The following PITPNC1 variants were observed in gnomAD, a reference collection of about 807,000 sequenced individuals.
PITPNC1 encodes phosphatidylinositol transfer protein cytoplasmic 1, also known as cytoplasmic phosphatidylinositol transfer protein 1.
Under a neutral mutation model 44.7 loss-of-function variants are expected in PITPNC1, and 18 were observed. The ratio of observed to expected loss-of-function variants is 0.40; its 90% CI spans 0.28 to 0.60. PITPNC1 has a LOEUF of 0.60. Ranked by LOEUF, PITPNC1 falls within the 20% of genes least tolerant of loss-of-function variation. The pLI is 0.39. For synonymous variants in PITPNC1, 141 were observed against 149.6 expected (o/e 0.94, Z 0.42); for missense variants, 290 against 418.4 (o/e 0.69, Z 2.68).
At chr17:67,644,157 G>T (rs117993143) in intron 6 of PITPNC1, among the ~76,000 whole-genome samples, 2 of 152,136 alleles carry the variant, frequency 1.3e-5, no homozygotes, top group Non-Finnish European at 2.9e-5. Flanking sequence ...ACTTCACCTC[G>T]AAGAAACCTT....
chr17:67,667,000 C>T (rs1323949160), intron 6 of PITPNC1, among the ~76,000 whole-genome samples: 3 of 152,234 alleles, frequency 2.0e-5, no homozygotes, highest in Non-Finnish European at 4.4e-5. Flanking sequence ...GGGGCTGTCC[C>T]AGCCAATTTG....
intron 1 of PITPNC1, chr17:67,525,421 A>C (rs1437876868): frequency 2.6e-5 from 4 of 152,242 alleles, no homozygotes; most frequent in Non-Finnish European, 4.4e-5. Context: ...GTTCCAATAA[A>C]ACTTTATTTA....
intron 6 of PITPNC1, among the ~76,000 whole-genome samples, chr17:67,645,161 A>G (rs1454638449): frequency 6.6e-6 from 1 of 151,960 alleles, no homozygotes; most frequent in Non-Finnish European, 1.5e-5. Flanking sequence ...ACCAACACGG[A>G]GAAACCGCAT....
chr17:67,524,172 GTAGCTTACACC>G (rs2040366028), intron 1 of PITPNC1, among the ~76,000 whole-genome samples: 1 of 152,152 alleles, frequency 6.6e-6, no homozygotes, highest in South Asian at 2.1e-4. Context: ...CTGGCTCATG[GTAGCTTACACC>G]TATAATCCCA....
intron 6 of PITPNC1, among the ~76,000 whole-genome samples, chr17:67,669,189 C>T (rs1290229903): frequency 6.6e-6 from 1 of 152,200 alleles, no homozygotes; most frequent in Non-Finnish European, 1.5e-5. Flanking sequence ...TCACCACAAC[C>T]TCTGCCTCTC....
At chr17:67,439,515 T>G (rs1051410840) in intron 1 of PITPNC1, among the ~76,000 whole-genome samples, 3 of 152,232 alleles carry the variant, frequency 2.0e-5, no homozygotes, top group African/African-American at 7.2e-5. Context: ...TTTGAAGATC[T>G]GACAATTATG....
chr17:67,541,847 G>T lies in PITPNC1; in HGVS notation c.197+8897G>T, dbSNP rs188792998. Among the ~76,000 whole-genome samples the T allele has an allele frequency of 4.2e-3, 638 of 152,288 alleles. 1 individual carries two copies. Among genetic ancestry groups the T allele is most frequent in the Non-Finnish European group, 6.7e-3 (453 of 68,030 alleles). On this transcript the variant is annotated intron_variant, in intron 2 of 8. Transcript: ENST00000581322. Reference sequence around the variant, plus strand: ...AGGACCAATGGGACCAAGACCAGTGGGTAGGAATGCCAGGAGAAAGACTTC... The same window carrying T: ...AGGACCAATGGGACCAAGACCAGTGTGTAGGAATGCCAGGAGAAAGACTTC...
At chr17:67,378,647 G>A (rs2037908903) in intron 1 of PITPNC1, among the ~76,000 whole-genome samples, 1 of 152,144 alleles carries the variant, frequency 6.6e-6, no homozygotes, top group Non-Finnish European at 1.5e-5. Context: ...GCGCCCTCGG[G>A]ATCTGCACGC....
In PITPNC1 at chr17:67,578,283, C is replaced by T. The variant is rs147251366; in HGVS notation, c.366+26C>T. 553 of 1,512,252 alleles carry T rather than the reference C, an allele frequency of 3.7e-4. 2 individuals are homozygous for T. Among genetic ancestry groups the T allele is most frequent in the East Asian group, 1.6e-4 (7 of 44,394 alleles). The allele number at this position is 1,512,252 out of a possible 1,614,324, so 93.7% of individuals were successfully genotyped here. A position where few individuals can be genotyped will look rare whatever the true frequency, so the allele number is the denominator to read the frequency against. On this transcript the variant is annotated intron_variant, in intron 5 of 8. Transcript: ENST00000581322. ...GTGAGTAGCCCCTCCTTCCATGCTG[C>T]GCTCGCCTCGTGGGCTCTGAATATC... is the stretch of plus-strand genomic sequence containing the variant.
chr17:67,540,799 T>C (rs1351751756), intron 2 of PITPNC1, among the ~76,000 whole-genome samples: 1 of 152,182 alleles, frequency 6.6e-6, no homozygotes, highest in Non-Finnish European at 1.5e-5. Flanking sequence ...GATTTAGTAA[T>C]GTGACTCAGA....
chr17:67,472,827 G>A (rs558719617), intron 1 of PITPNC1, among the ~76,000 whole-genome samples: 37 of 152,138 alleles, frequency 2.4e-4, no homozygotes, highest in Admixed American at 7.9e-4. Flanking sequence ...CTACAGGGAG[G>A]GGTTTCAAAG....
At chr17:67,387,779 T>C (rs1392412144) in intron 1 of PITPNC1, among the ~76,000 whole-genome samples, 1 of 152,240 alleles carries the variant, frequency 6.6e-6, no homozygotes, top group Non-Finnish European at 1.5e-5. Flanking sequence ...CAATTTGTAC[T>C]TATTTTGTTT....
intron 1 of PITPNC1, among the ~76,000 whole-genome samples, chr17:67,380,964 G>A (rs1188684661): frequency 6.6e-6 from 1 of 151,932 alleles, no homozygotes; most frequent in Non-Finnish European, 1.5e-5. Context: ...GTAGAGACAG[G>A]GACTCGCTGT....
intron 4 of PITPNC1, among the ~76,000 whole-genome samples, chr17:67,572,906 C>T (rs911967649): frequency 1.9e-4 from 29 of 152,138 alleles, no homozygotes; most frequent in African/African-American, 4.6e-4. Flanking sequence ...GATGTAAAGA[C>T]GGAGGCAGAG....
chr17:67,484,740 C>G (rs1238911374), intron 1 of PITPNC1, among the ~76,000 whole-genome samples: 1 of 152,086 alleles, frequency 6.6e-6, no homozygotes, highest in Non-Finnish European at 1.5e-5. Flanking sequence ...GAGTTCGAGA[C>G]CAGCCTGGTC....
At chr17:67,421,369 G>A (rs1326841882) in intron 1 of PITPNC1, among the ~76,000 whole-genome samples, 1 of 152,024 alleles carries the variant, frequency 6.6e-6, no homozygotes, top group Non-Finnish European at 1.5e-5. Flanking sequence ...TGCAACCTCT[G>A]CCTCCTGGGT....
chr17:67,547,357 A>T (rs1190039523), intron 2 of PITPNC1, among the ~76,000 whole-genome samples: 1 of 152,098 alleles, frequency 6.6e-6, no homozygotes, highest in Admixed American at 6.6e-5. Flanking sequence ...TCTACCAGAA[A>T]ATTTAAAAAT....
intron 5 of PITPNC1, among the ~76,000 whole-genome samples, chr17:67,584,313 C>T (rs990842895): frequency 6.6e-6 from 1 of 152,152 alleles, no homozygotes; most frequent in African/African-American, 2.4e-5. Context: ...GGCAAAGAAA[C>T]TCCTCTGATA....
At chr17:67,652,483 C>T (rs1297383793) in intron 6 of PITPNC1, among the ~76,000 whole-genome samples, 2 of 152,194 alleles carry the variant, frequency 1.3e-5, no homozygotes, top group Non-Finnish European at 2.9e-5. Context: ...GCCCTGGCAC[C>T]AGCTCAACCC....
Sources: allele counts gnomAD v4.1 joint callset (sites outside exome capture counted in the v4.1 genomes callset), GRCh38; gene constraint gnomAD v4.1.1; transcripts MANE v1.5; gene names NCBI Gene and HGNC (gene_info 2026-07-23, HGNC 2026-07-21).